Variants in HMCN1 observed in about 807,000 individuals in gnomAD.
The protein encoded by HMCN1 is hemicentin-1.
A neutral mutation model predicts 625.9 loss-of-function variants in HMCN1; 321 were observed. That is an observed-to-expected ratio of 0.51 (90% CI 0.47 to 0.56). The LOEUF (loss-of-function observed/expected upper bound fraction) is 0.56, where lower values mean the gene tolerates loss of function less well. Ranked by LOEUF, HMCN1 falls within the 20% of genes least tolerant of loss-of-function variation. The probability of loss-of-function intolerance (pLI) is 0.00; values close to 1 mark genes in which losing one functional copy is unlikely to be tolerated. For synonymous variants in HMCN1, 2,425 were observed against 2,417.6 expected, an observed-to-expected ratio of 1.00 and a Z score of -0.09; for missense variants, 6,588 against 6,887.3, an observed-to-expected ratio of 0.96 and a Z score of 1.54.
intron 1 of HMCN1, among the ~76,000 whole-genome samples, chr1:185,773,574 G>A (rs114987016): frequency 9.2e-5 from 14 of 152,062 alleles, no homozygotes; most frequent in Admixed American, 3.9e-4. Flanking sequence ...CAGAGAAAAG[G>A]GTTCAGGGCT....
At chr1:185,899,074 C>T (rs1042000632) in intron 4 of HMCN1, among the ~76,000 whole-genome samples, 4 of 151,988 alleles carry the variant, frequency 2.6e-5, no homozygotes, top group African/African-American at 7.3e-5. Flanking sequence ...AATGTGTTTA[C>T]AGAGTTACAA....
intron 101 of HMCN1, 148 bp from the exon 102 acceptor site, chr1:186,171,858 T>C: frequency 1.5e-6 from 1 of 655,604 alleles, no homozygotes; most frequent in Non-Finnish European, 2.6e-6. Flanking sequence ...TTACATACAT[T>C]GTTGAATTTA....
In HMCN1 at chr1:186,019,611, G is replaced by A; in HGVS notation, c.5541G>A (p.Gln1847=). Residue 1847 remains glutamine, a synonymous_variant, in exon 35 of 107, where the codon CAG becomes CAA. Transcript: ENST00000271588. The part of the protein sequence containing the change: ...VVVKYKPVAL[Q]CIANGIPNPS... ...TAAAATACAAGCCTGTCGCCTTGCAGTGCATAGCCAATGGGATTCCAAATC... is the reference window on the plus strand; with the variant it reads ...TAAAATACAAGCCTGTCGCCTTGCAATGCATAGCCAATGGGATTCCAAATC... The A allele has an allele frequency of 6.2e-7, 1 of 1,610,496 alleles. No individual in the cohort carries two copies.
At chr1:186,036,844 C>G (rs897432541) in intron 36 of HMCN1, among the ~76,000 whole-genome samples, 1 of 152,010 alleles carries the variant, frequency 6.6e-6, no homozygotes, top group Non-Finnish European at 1.5e-5. Context: ...CCTGCCTCAG[C>G]CTCCCAAAGT....
intron 2 of HMCN1, among the ~76,000 whole-genome samples, chr1:185,852,354 A>T (rs1189049202): frequency 6.6e-6 from 1 of 152,000 alleles, no homozygotes; most frequent in African/African-American, 2.4e-5. Flanking sequence ...ATGAATTTTA[A>T]AAAAACATAT....
intron 49 of HMCN1, among the ~76,000 whole-genome samples, chr1:186,067,049 C>T (rs1474862603): frequency 6.6e-6 from 1 of 152,152 alleles, no homozygotes; most frequent in Admixed American, 6.5e-5. Context: ...ATGGAACAAA[C>T]TATTTTCCCT....
chr1:185,844,369 A>G (rs927821484), intron 1 of HMCN1, among the ~76,000 whole-genome samples: 3 of 152,234 alleles, frequency 2.0e-5, no homozygotes, highest in Admixed American at 6.5e-5. Context: ...GGATTGAGGC[A>G]TTTTTTCCTG....
intron 81 of HMCN1, among the ~76,000 whole-genome samples, chr1:186,124,838 T>C (rs903956635): frequency 6.6e-6 from 1 of 152,090 alleles, no homozygotes; most frequent in Admixed American, 6.6e-5. Context: ...GAAGGGAGTG[T>C]ATTTTTACTT....
intron 71 of HMCN1, among the ~76,000 whole-genome samples, chr1:186,109,722 G>A (rs1453517202): frequency 2.0e-5 from 3 of 152,210 alleles, no homozygotes; most frequent in Non-Finnish European, 4.4e-5. Context: ...GTAATGGCAT[G>A]TACAAAGCTA....
At chr1:186,027,306 A>G (rs1244650896) in intron 36 of HMCN1, among the ~76,000 whole-genome samples, 2 of 152,202 alleles carry the variant, frequency 1.3e-5, no homozygotes, top group East Asian at 1.9e-4. Context: ...TTTATTCCCT[A>G]GACCAAACTA....
At chr1:185,934,846 T>C (rs926682734) in intron 11 of HMCN1, among the ~76,000 whole-genome samples, 13 of 152,176 alleles carry the variant, frequency 8.5e-5, no homozygotes, top group African/African-American at 2.7e-4. Context: ...CTTAGAATGT[T>C]ATTAATGACA....
intron 89 of HMCN1, among the ~76,000 whole-genome samples, chr1:186,138,224 C>G (rs141356552): frequency 6.6e-6 from 1 of 152,088 alleles, no homozygotes; most frequent in Admixed American, 6.6e-5. Context: ...GTGTATTTCT[C>G]AATCACGTAA....
Position 186,144,532 on chromosome 1 carries a change from G to C in HMCN1, c.14096-1G>C. ...GCATGTACCTTTTTCCCTTATTCCA[G>C]TTCATGGCAAGTGGGCGACTTGGGC... On this transcript the variant is annotated splice_acceptor_variant, in intron 90 of 106. Coordinates refer to ENST00000271588, the MANE Select transcript of HMCN1 (RefSeq NM_031935.3). LOFTEE classifies it high-confidence loss of function. 1.2e-6 allele frequency: 2 copies of C among 1,614,062 alleles called. No homozygotes were observed. Among genetic ancestry groups the C allele is most frequent in the South Asian group, 2.2e-5 (2 of 91,076 alleles).
chr1:185,777,260 A>T (rs1388730070), intron 1 of HMCN1, among the ~76,000 whole-genome samples: 2 of 152,156 alleles, frequency 1.3e-5, no homozygotes, highest in Non-Finnish European at 2.9e-5. Context: ...CCCTGTTCGA[A>T]GGCATCAATG....
chr1:186,106,415 T>C (rs1307712372), intron 69 of HMCN1, among the ~76,000 whole-genome samples: 1 of 152,234 alleles, frequency 6.6e-6, no homozygotes, highest in Non-Finnish European at 1.5e-5. Flanking sequence ...ACCATGTATA[T>C]AAAATGTAGA....
Position 186,178,677 on chromosome 1 carries a change from G to A in HMCN1, c.16205G>A (p.Arg5402Lys). 6.2e-7 allele frequency: 1 copy of A among 1,614,132 alleles called. No homozygotes were observed. The highest frequency in any genetic ancestry group is 8.5e-7 in the Non-Finnish European group (1 of 1,179,986). The change falls in exon 104 of 107, where the codon AGA (arginine) becomes AAA (lysine). Residue 5402 changes from arginine (R) to lysine (K), a missense_variant. By Grantham distance (26) the Arg-to-Lys change is conservative. Around this residue, in one of 3 missense-constraint regions of HMCN1, gnomAD observed 1,954 missense variants for 2,013.1 expected, o/e 0.97. Transcript: ENST00000271588. ...CTCTACAGCTCCTACTCAGAGTATA[G>A]AAACAGCAGAACATCTCTCTCCAGG... ...SHLYSSYSEY[R>K]NSRTSLSRTR...
intron 39 of HMCN1, 96 bp from the exon 40 acceptor site, chr1:186,040,917 G>A (rs1656158825): frequency 7.4e-7 from 1 of 1,344,586 alleles, no homozygotes; most frequent in East Asian, 2.3e-5. Context: ...AAAGGCAAAT[G>A]TCAACTGATA....
At chr1:186,064,809 C>A (rs1183316428) in intron 48 of HMCN1, among the ~76,000 whole-genome samples, 2,513 of 94,838 alleles carry the variant, frequency 0.026, no homozygotes, top group Middle Eastern at 0.035. Flanking sequence ...GACTTCATCT[C>A]AAAAAAAAAA....
At chr1:186,063,062 G>GCATATATA (rs1221296216) in intron 48 of HMCN1, among the ~76,000 whole-genome samples, 36 of 62,952 alleles carry the variant, frequency 5.7e-4, no homozygotes, top group African/African-American at 8.3e-4. Context: ...GTGTGTGTGT[G>GCATATATA]TGTGCATATA....
Sources: allele counts gnomAD v4.1 joint callset (sites outside exome capture counted in the v4.1 genomes callset), GRCh38; gene constraint gnomAD v4.1.1; regional missense constraint gnomAD v4.1.1; transcripts MANE v1.5; gene names NCBI Gene and HGNC (gene_info 2026-07-23, HGNC 2026-07-21).